The following TECPR2 variants were observed in gnomAD, a reference collection of about 807,000 sequenced individuals.
TECPR2 encodes the protein tectonin beta-propeller repeat-containing protein 2.
Under a neutral mutation model 138.1 loss-of-function variants are expected in TECPR2, and 65 were observed. That is an observed-to-expected ratio of 0.47 (90% CI 0.39 to 0.58). The LOEUF (loss-of-function observed/expected upper bound fraction) is 0.58, where lower values mean the gene tolerates loss of function less well. Among genes scored for constraint, TECPR2 ranks in the 20% least tolerant of loss-of-function variants. TECPR2 has a pLI of 0.00. For synonymous variants in TECPR2, 746 were observed against 749.8 expected, an observed-to-expected ratio of 0.99 and a Z score of 0.08; for missense variants, 1,553 against 1,824.5, an observed-to-expected ratio of 0.85 and a Z score of 2.71.
chr14:102,465,406 G>A, intron 17 of TECPR2, 117 bp downstream of exon 17: 1 of 1,464,970 alleles, frequency 6.8e-7, no homozygotes, highest in Non-Finnish European at 9.0e-7. Flanking sequence ...AATGCGGGGA[G>A]CCATGCCCCC....
At chr14:102,399,005 A>G (rs762758468) in intron 2 of TECPR2, among the ~76,000 whole-genome samples, 1 of 152,138 alleles carries the variant, frequency 6.6e-6, no homozygotes, top group Non-Finnish European at 1.5e-5. Context: ...GCTCACATCC[A>G]TAATCCCAGC....
Position 102,499,526 on chromosome 14 carries a change from G to C in TECPR2, c.*1269G>C, listed in dbSNP as rs895463737. On this transcript the variant is annotated 3_prime_UTR_variant, in exon 20 of 20. Coordinates refer to ENST00000359520, the MANE Select transcript of TECPR2 (RefSeq NM_014844.5). ...CTGGCAGGGCGGTCACGGGACCTGCGGGCTGGCTCCGAGTGGCAGCCCATG... is the reference window on the plus strand; with the variant it reads ...CTGGCAGGGCGGTCACGGGACCTGCCGGCTGGCTCCGAGTGGCAGCCCATG... The C allele has an allele frequency of 2.3e-6, 1 of 426,024 alleles. No homozygotes were observed. Among genetic ancestry groups the C allele is most frequent in the Non-Finnish European group, 4.3e-6 (1 of 232,338 alleles). 26.4% of individuals were successfully genotyped at this position (426,024 alleles called of 1,614,324 possible). A position where few individuals can be genotyped will look rare whatever the true frequency, so the allele number is the denominator to read the frequency against.
intron 17 of TECPR2, among the ~76,000 whole-genome samples, chr14:102,493,129 T>A (rs1891193439): frequency 6.6e-6 from 1 of 152,152 alleles, no homozygotes; most frequent in Non-Finnish European, 1.5e-5. Flanking sequence ...CACAGTCATC[T>A]CCTCCTCTCT....
rs866818130 is a variant in TECPR2 at position 102,407,343 on chromosome 14, G to A, written c.225G>A (p.Lys75=). ...TGTTTTCAACGTTTCCCCAGGGGAAGACGGAATCTATCACTGTGGTGAAGC... is the reference window on the plus strand; with the variant it reads ...TGTTTTCAACGTTTCCCCAGGGGAAAACGGAATCTATCACTGTGGTGAAGC... ...NQMRKYNFEG[K]TESITVVKLL... is the part of the protein sequence containing the mutation. Residue 75 remains lysine (K), a synonymous_variant, in exon 3 of 20, where the codon AAG becomes AAA. Transcript: ENST00000359520. 46 of 1,603,014 alleles carry A rather than the reference G, an allele frequency of 2.9e-5. 1 individual carries two copies. In the Middle Eastern group the frequency reaches 4.3e-3, roughly 150 times the overall value.
At position 102,415,079 on chromosome 14, in the gene TECPR2, C is replaced by A. The variant is rs542904567; in HGVS notation, c.638+286C>A. Among the ~76,000 whole-genome samples the A allele has an allele frequency of 6.6e-6, 1 of 152,278 alleles. No individual in the cohort carries two copies. The highest frequency in any genetic ancestry group is 1.9e-4 in the East Asian group (1 of 5,168). On this transcript the variant is annotated intron_variant, in intron 5 of 19. Coordinates refer to ENST00000359520, the MANE Select transcript of TECPR2 (RefSeq NM_014844.5). This position sits in a 1 kb window ranked among gnomAD's most constrained non-coding sequence, Gnocchi z 4.3. ...CAGCGCAGAGAAGCCTCAGGGGTGG[C>A]CTGGTCTATCTGTTCCTTGTGGAGC...
At chr14:102,488,010 T>C (rs1208356333) in intron 17 of TECPR2, among the ~76,000 whole-genome samples, 1 of 151,104 alleles carries the variant, frequency 6.6e-6, no homozygotes. Context: ...CCTGGCTAAT[T>C]TTGTATATTT....
intron 17 of TECPR2, among the ~76,000 whole-genome samples, chr14:102,479,543 G>A (rs918328887): frequency 2.6e-5 from 4 of 152,184 alleles, no homozygotes; most frequent in African/African-American, 9.7e-5. Flanking sequence ...GGACCCAAAT[G>A]GAGAAGGTCT....
chr14:102,423,604 G>C lies in TECPR2; in HGVS notation c.639-1375G>C, dbSNP rs76659445. 3.0e-3 allele frequency among the ~76,000 whole-genome samples: 455 copies of C among 152,180 alleles called. 11 individuals are homozygous for C. Among genetic ancestry groups the C allele is most frequent in the Admixed American group, 0.02 (313 of 15,284 alleles). On this transcript the variant is annotated intron_variant, in intron 5 of 19. Coordinates refer to ENST00000359520, the MANE Select transcript of TECPR2 (RefSeq NM_014844.5). ...GGACAGCCCTGGGCTAGACTATGTG[G>C]GTGTGTCATAGGCTGTGCCATCTAG...
intron 17 of TECPR2, among the ~76,000 whole-genome samples, chr14:102,488,727 T>C (rs147039914): frequency 6.6e-6 from 1 of 152,174 alleles, no homozygotes; most frequent in African/African-American, 2.4e-5. Flanking sequence ...TTCACAGCAA[T>C]GGTAACTGCA....
intron 1 of TECPR2, among the ~76,000 whole-genome samples, chr14:102,373,850 A>T (rs1597762581): frequency 6.6e-6 from 1 of 152,044 alleles, no homozygotes; most frequent in East Asian, 1.9e-4. Flanking sequence ...GGAGACTCAG[A>T]TGGGCAGATC....
chr14:102,432,335 A>G (rs952374988), intron 8 of TECPR2, among the ~76,000 whole-genome samples: 1 of 149,984 alleles, frequency 6.7e-6, no homozygotes, highest in Non-Finnish European at 1.5e-5. Flanking sequence ...TAAGGTCTAA[A>G]TGATGACAGA....
At chr14:102,396,121 G>A (rs1020270713) in intron 2 of TECPR2, among the ~76,000 whole-genome samples, 1 of 97,088 alleles carries the variant, frequency 1.0e-5, no homozygotes, top group African/African-American at 4.0e-5. Flanking sequence ...TTTTTTTTTT[G>A]AGATGGAGTC....
chr14:102,397,111 A>G (rs1421137757), intron 2 of TECPR2, among the ~76,000 whole-genome samples: 1 of 152,218 alleles, frequency 6.6e-6, no homozygotes, highest in East Asian at 1.9e-4. Context: ...ATGCCTAGGA[A>G]AAGGTATAGG....
In TECPR2 at chr14:102,498,695, G is replaced by A. The variant is rs1414380135; in HGVS notation, c.*438G>A. On this transcript the variant is annotated 3_prime_UTR_variant, in exon 20 of 20. Coordinates refer to ENST00000359520, the MANE Select transcript of TECPR2 (RefSeq NM_014844.5). ...TGGAGCCAAAGGTCAGCTCTCTGCAGCGCGGGATGTGCTCGGTGATGGCTT... is the reference window on the plus strand; with the variant it reads ...TGGAGCCAAAGGTCAGCTCTCTGCAACGCGGGATGTGCTCGGTGATGGCTT... 2.4e-6 allele frequency: 1 copy of A among 417,056 alleles called. No individual in the cohort carries two copies. The highest frequency in any genetic ancestry group is 4.7e-6 in the Non-Finnish European group (1 of 213,738). The allele number at this position is 417,056 out of a possible 1,614,324, so 25.8% of individuals were successfully genotyped here.
intron 2 of TECPR2, among the ~76,000 whole-genome samples, chr14:102,394,939 C>A (rs1252383197): frequency 1.3e-5 from 2 of 152,168 alleles, no homozygotes; most frequent in African/African-American, 4.8e-5. Context: ...TCCTGACTTG[C>A]CCCACTCCCT....
chr14:102,394,955 C>T (rs1166285030), intron 2 of TECPR2, among the ~76,000 whole-genome samples: 4 of 152,184 alleles, frequency 2.6e-5, no homozygotes, highest in Non-Finnish European at 4.4e-5. Context: ...TCCCTCCTTC[C>T]GCCGTCCTGT....
rs1889120398 is a variant in TECPR2 at position 102,419,474 on chromosome 14, A to G, written c.638+4681A>G. On this transcript the variant is annotated intron_variant, in intron 5 of 19. Transcript: ENST00000359520. The surrounding 1 kb of genome is among the most constrained non-coding windows in gnomAD (Gnocchi z 4.8). ...TGGTGTGTGACGCGGGTGCCTGTGG[A>G]GGGAACACAGTGCTGGTGGGGACAG... Among the ~76,000 whole-genome samples, 1 of 151,970 alleles carries G rather than the reference A, an allele frequency of 6.6e-6. No homozygotes were observed. The highest frequency in any genetic ancestry group is 1.5e-5 in the Non-Finnish European group (1 of 67,982).
In TECPR2 at chr14:102,454,022, G is replaced by A. The variant is rs183345881; in HGVS notation, c.3640+1395G>A. Among the ~76,000 whole-genome samples, 144 of 152,202 alleles carry A rather than the reference G, an allele frequency of 9.5e-4. 1 individual carries two copies. Among genetic ancestry groups the A allele is most frequent in the African/African-American group, 3.2e-3 (135 of 41,548 alleles). On this transcript the variant is annotated intron_variant, in intron 16 of 19. Coordinates refer to ENST00000359520, the MANE Select transcript of TECPR2 (RefSeq NM_014844.5). ...AAATTACCTGGGTGTGGTGGCACAT[G>A]CCTGTAATCCCAGCTACTTGGTTGG...
chr14:102,409,777 T>G (rs1888771645), intron 4 of TECPR2, among the ~76,000 whole-genome samples: 1 of 152,172 alleles, frequency 6.6e-6, no homozygotes, highest in Admixed American at 6.5e-5. Flanking sequence ...AAGTACACCA[T>G]GTTAGAAGTT....
Sources: allele counts gnomAD v4.1 joint callset (sites outside exome capture counted in the v4.1 genomes callset), GRCh38; gene constraint gnomAD v4.1.1; non-coding constraint Gnocchi (gnomAD v3.1); transcripts MANE v1.5; gene names NCBI Gene and HGNC (gene_info 2026-07-23, HGNC 2026-07-21).